PXDN: variants seen among roughly 807,000 people sequenced by gnomAD.
PXDN encodes peroxidasin, also known as peroxidasin homolog.
Under a neutral mutation model 140.3 loss-of-function variants are expected in PXDN, and 77 were observed. The observed-to-expected ratio is 0.55, with a 90% CI of 0.46 to 0.66. The LOEUF (loss-of-function observed/expected upper bound fraction) is 0.66, where lower values mean the gene tolerates loss of function less well. PXDN is among the 30% of genes least tolerant of loss of function. PXDN has a pLI of 0.00. For synonymous variants in PXDN, 911 were observed against 857.4 expected (o/e 1.06, Z -1.09); for missense variants, 1,838 against 2,039.5 (o/e 0.90, Z 1.90).
At chr2:1,742,481 C>T (rs1572209916) in intron 1 of PXDN, among the ~76,000 whole-genome samples, 2 of 152,222 alleles carry the variant, frequency 1.3e-5, no homozygotes, top group South Asian at 2.1e-4. Flanking sequence ...CGTTTGTGGA[C>T]GAGCACACCA....
At chr2:1,661,637 C>T (rs924885512) in intron 13 of PXDN, among the ~76,000 whole-genome samples, 1 of 152,132 alleles carries the variant, frequency 6.6e-6, no homozygotes, top group African/African-American at 2.4e-5. Flanking sequence ...CACAGAAACA[C>T]GGGTCATGGT....
At position 1,738,565 on chromosome 2, in the gene PXDN, T is replaced by TG. The variant is rs537866958; in HGVS notation, c.200+5690_200+5691insC. Among the ~76,000 whole-genome samples the TG allele has an allele frequency of 2.2e-3, 335 of 152,064 alleles. 1 individual carries two copies. Among genetic ancestry groups the TG allele is most frequent in the Middle Eastern group, 0.01 (3 of 294 alleles). On this transcript the variant is annotated intron_variant, in intron 1 of 22. Transcript: ENST00000252804. ...TTGATCTTCAAACTTTTTTTTTTTTTTGAGACTAGGTCTCGCTCTGTCACC... is the reference window on the plus strand; with the variant it reads ...TTGATCTTCAAACTTTTTTTTTTTTTGTGAGACTAGGTCTCGCTCTGTCACC...
rs990241511 is a variant in PXDN at position 1,695,247 on chromosome 2, C to T, written c.201-2113G>A. On this transcript the variant is annotated intron_variant, in intron 1 of 22. Coordinates refer to ENST00000252804, the MANE Select transcript of PXDN (RefSeq NM_012293.3). ...GCAGGCCTTTCCCCAGATCTGAAGT[C>T]GGTGCCACCAAAACCTCTAGAGTGA... Among the ~76,000 whole-genome samples the T allele has an allele frequency of 9.2e-5, 14 of 152,384 alleles. No individual in the cohort carries two copies. The Middle Eastern group carries it at 0.01, about 111-fold the overall frequency.
chr2:1,736,117 C>T (rs1685420229), intron 1 of PXDN, among the ~76,000 whole-genome samples: 1 of 152,312 alleles, frequency 6.6e-6, no homozygotes, highest in East Asian at 1.9e-4. Context: ...TAGGGCCTTG[C>T]TCTGGATCAA....
rs1258094139 is a variant in PXDN at position 1,651,551 on chromosome 2, A to T, written c.2105-1876T>A. Among the ~76,000 whole-genome samples the T allele has an allele frequency of 6.6e-6, 1 of 152,162 alleles. No homozygotes were observed. Among genetic ancestry groups the T allele is most frequent in the Non-Finnish European group, 1.5e-5 (1 of 68,038 alleles). ...TCCCAGGCCCTTTCTGGTGGAGCAC[A>T]AATCTCCTTAACTTTATCAGCCCTT... On this transcript the variant is annotated intron_variant, in intron 16 of 22. Coordinates refer to ENST00000252804, the MANE Select transcript of PXDN (RefSeq NM_012293.3). This position sits in a 1 kb window ranked among gnomAD's most constrained non-coding sequence, Gnocchi z 4.4.
At chr2:1,741,481 T>C (rs1165198661) in intron 1 of PXDN, among the ~76,000 whole-genome samples, 1 of 152,148 alleles carries the variant, frequency 6.6e-6, no homozygotes, top group African/African-American at 2.4e-5. Context: ...CTGAGGGAGC[T>C]CAAAGGTCGA....
chr2:1,709,029 G>T (rs902219369), intron 1 of PXDN, among the ~76,000 whole-genome samples: 1 of 152,188 alleles, frequency 6.6e-6, no homozygotes, highest in Non-Finnish European at 1.5e-5. Context: ...CCAGTTCACC[G>T]CGGGAGGGAG....
chr2:1,744,227 G>T (rs1685634357), intron 1 of PXDN, 29 bp downstream of exon 1: 5 of 1,286,966 alleles, frequency 3.9e-6, no homozygotes, highest in Non-Finnish European at 5.0e-6. Flanking sequence ...CCCGGACCCC[G>T]CGCCCCCGGC....
intron 14 of PXDN, among the ~76,000 whole-genome samples, chr2:1,658,058 C>T (rs1558494329): frequency 1.1e-4 from 14 of 126,806 alleles, no homozygotes; most frequent in South Asian, 2.8e-4. Context: ...CTCTCTCTCT[C>T]TCTCTCTCTC....
intron 17 of PXDN, among the ~76,000 whole-genome samples, chr2:1,646,406 T>G (rs1026874189): frequency 6.6e-6 from 1 of 152,160 alleles, no homozygotes; most frequent in Non-Finnish European, 1.5e-5. Flanking sequence ...CTGTGTCAGT[T>G]TGGACAAGAA....
rs34186121 is a variant in PXDN, at chr2:1,633,184, T to TTTA, written c.*1019_*1020insTAA. On this transcript the variant is annotated 3_prime_UTR_variant, in exon 23 of 23. Coordinates refer to ENST00000252804, the MANE Select transcript of PXDN (RefSeq NM_012293.3). Reference sequence around the variant, plus strand: ...AGGGATTCTTTTTTTTTTTTTTTTTTAACGCACTCACACAACCTGAAGTTA... The same window carrying TTTA: ...AGGGATTCTTTTTTTTTTTTTTTTTTTTAAACGCACTCACACAACCTGAAGTTA... 2.0e-5 allele frequency: 3 copies of TTTA among 150,018 alleles called. No individual in the cohort carries two copies. Among genetic ancestry groups the TTTA allele is most frequent in the African/African-American group, 7.4e-5 (3 of 40,814 alleles). The allele number at this position is 150,018 out of a possible 1,614,324, so 9.3% of individuals were successfully genotyped here.
intron 7 of PXDN, among the ~76,000 whole-genome samples, chr2:1,677,378 C>A (rs978993994): frequency 1.3e-5 from 2 of 152,238 alleles, no homozygotes; most frequent in African/African-American, 4.8e-5. Flanking sequence ...AGTGGATACG[C>A]CACGGGTCGC....
At chr2:1,680,857 G>C (rs1383119413) in intron 6 of PXDN, among the ~76,000 whole-genome samples, 2 of 152,188 alleles carry the variant, frequency 1.3e-5, no homozygotes, top group African/African-American at 4.8e-5. Flanking sequence ...AGTGTGGGAA[G>C]GGGGGCTGCA....
In PXDN at chr2:1,649,699, C is replaced by T. The variant is rs747636202; in HGVS notation, c.2105-24G>A. 12 of 1,612,072 alleles carry T rather than the reference C, an allele frequency of 7.4e-6. No homozygotes were observed. The highest frequency in any genetic ancestry group is 2.2e-5 in the South Asian group (2 of 90,924). On this transcript the variant is annotated intron_variant, in intron 16 of 22. Transcript: ENST00000252804. This position sits in a 1 kb window ranked among gnomAD's most constrained non-coding sequence, Gnocchi z 7.1. ...ACCTGGGACGTGGAGAAAAGCAAGA[C>T]GCACTCAATTCCCCTGGAGGATGTG...
intron 12 of PXDN, among the ~76,000 whole-genome samples, chr2:1,662,903 T>C (rs1017945190): frequency 6.6e-6 from 1 of 152,148 alleles, no homozygotes; most frequent in Non-Finnish European, 1.5e-5. Flanking sequence ...CCACTCCCCA[T>C]GGTCCCCATG....
At chr2:1,668,148 C>A (rs4414711) in intron 9 of PXDN, among the ~76,000 whole-genome samples, 116,596 of 152,106 alleles carry the variant, frequency 0.77, 45,393 homozygotes, top group East Asian at 0.98. Flanking sequence ...ATAACACCAC[C>A]CATCTACAAC....
intron 14 of PXDN, among the ~76,000 whole-genome samples, chr2:1,658,255 A>G (rs2125420400): frequency 6.6e-6 from 1 of 151,764 alleles, no homozygotes; most frequent in South Asian, 2.1e-4. Context: ...TCAAATTTAC[A>G]CCATCGTCCT....
Position 1,694,513 on chromosome 2 carries a change from CT to C in PXDN, c.201-1380del, listed in dbSNP as rs75298345. Among the ~76,000 whole-genome samples, 673 of 152,342 alleles carry C rather than the reference CT, an allele frequency of 4.4e-3. 16 individuals are homozygous for C. In the East Asian group the frequency reaches 0.049, roughly 11 times the overall value. ...GGAGGAGAAGGGGAAGGCGGCCCCC[CT>C]CTGCCCACCTGGCCCTCCTGGCCAT... On this transcript the variant is annotated intron_variant, in intron 1 of 22. Coordinates refer to ENST00000252804, the MANE Select transcript of PXDN (RefSeq NM_012293.3).
intron 1 of PXDN, among the ~76,000 whole-genome samples, chr2:1,726,466 T>G: frequency 6.7e-6 from 1 of 150,374 alleles, no homozygotes. Context: ...CTTTAGGAGA[T>G]ATACCTAATG....
Sources: allele counts gnomAD v4.1 joint callset (sites outside exome capture counted in the v4.1 genomes callset), GRCh38; gene constraint gnomAD v4.1.1; non-coding constraint Gnocchi (gnomAD v3.1); transcripts MANE v1.5; gene names NCBI Gene and HGNC (gene_info 2026-07-23, HGNC 2026-07-21).